DOCK7: variants seen among roughly 807,000 people sequenced by gnomAD.
DOCK7 encodes dedicator of cytokinesis 7, also known as dedicator of cytokinesis protein 7.
A neutral mutation model predicts 271.0 loss-of-function variants in DOCK7; 138 were observed. That is an observed-to-expected ratio of 0.51 (90% CI 0.44 to 0.59). The LOEUF is 0.59. DOCK7 is among the 20% of genes least tolerant of loss of function. The pLI, the probability that DOCK7 is intolerant of heterozygous loss-of-function variation, is 0.00. For missense variants in DOCK7, 2,066 were observed against 2,592.4 expected (o/e 0.80, Z 4.41); for synonymous variants, 823 against 876.1 (o/e 0.94, Z 1.07).
chr1:62,545,928 C>T (rs1438438630), intron 22 of DOCK7, among the ~76,000 whole-genome samples: 4 of 152,144 alleles, frequency 2.6e-5, no homozygotes, highest in South Asian at 2.1e-4. Flanking sequence ...TCTATAAATT[C>T]GATTCAGTAA....
chr1:62,565,826 TCTC>T (rs1358902709), intron 18 of DOCK7, among the ~76,000 whole-genome samples: 1 of 152,090 alleles, frequency 6.6e-6, no homozygotes, highest in Non-Finnish European at 1.5e-5. Context: ...CAGCCCAAAA[TCTC>T]CTTAAGCTGA....
chr1:62,656,662 G>C (rs1305658017), intron 2 of DOCK7, among the ~76,000 whole-genome samples: 5 of 152,076 alleles, frequency 3.3e-5, no homozygotes, highest in African/African-American at 1.2e-4. Context: ...AAAAAGGCTG[G>C]CCGGCAGGGA....
chr1:62,529,608 AT>A (rs1272402360), intron 29 of DOCK7, among the ~76,000 whole-genome samples, 162 bp from the exon 30 acceptor site: 1 of 152,208 alleles, frequency 6.6e-6, no homozygotes, highest in East Asian at 1.9e-4. Context: ...AACATTTCTC[AT>A]TTTAAAATAA....
chr1:62,469,208 G>C (rs1398870913), intron 48 of DOCK7, among the ~76,000 whole-genome samples: 2 of 152,114 alleles, frequency 1.3e-5, no homozygotes, highest in African/African-American at 4.8e-5. Context: ...GCATGATACT[G>C]GTATAAAAAT....
intron 4 of DOCK7, among the ~76,000 whole-genome samples, chr1:62,651,872 T>A (rs757348951): frequency 1.3e-5 from 2 of 152,166 alleles, no homozygotes; most frequent in Non-Finnish European, 2.9e-5. Context: ...CTTAATTTTT[T>A]AATTTGTATC....
chr1:62,464,249 T>C (rs1020098292), intron 48 of DOCK7, among the ~76,000 whole-genome samples: 2 of 151,738 alleles, frequency 1.3e-5, no homozygotes, highest in African/African-American at 2.4e-5. Flanking sequence ...TTAGTAGAGA[T>C]GGGGTTTTGC....
chr1:62,648,553 GA>G lies in DOCK7; in HGVS notation c.390-10del. 3 of 1,247,104 alleles carry G rather than the reference GA, an allele frequency of 2.4e-6. No homozygotes were observed. Among genetic ancestry groups the G allele is most frequent in the South Asian group, 2.1e-5 (1 of 48,654 alleles). The allele number at this position is 1,247,104 out of a possible 1,614,324, so 77.3% of individuals were successfully genotyped here. On this transcript the variant is annotated splice_polypyrimidine_tract_variant and intron_variant, in intron 4 of 49. Transcript: ENST00000635253. ...TTCCCAATTTATGATATCTATTAAA[GA>G]AAAAAAGTTAAATAAATATCAACTA...
intron 7 of DOCK7, among the ~76,000 whole-genome samples, chr1:62,644,301 T>G (rs1048360304): frequency 5.9e-5 from 9 of 152,224 alleles, no homozygotes; most frequent in Non-Finnish European, 1.3e-4. Context: ...TCTCAAGAGC[T>G]TTCTCTTTTT....
In DOCK7 at chr1:62,557,008, T is replaced by G. The variant is rs565625556; in HGVS notation, c.2432-1019A>C. ...TTCCTCCTTAGCAAATCTTGCCTTC[T>G]ACCTCACAGAAGAAATGTATAAAGC... On this transcript the variant is annotated intron_variant, in intron 20 of 49. Transcript: ENST00000635253. Among the ~76,000 whole-genome samples, 334 of 152,114 alleles carry G rather than the reference T, an allele frequency of 2.2e-3. 2 individuals are homozygous for G. Among genetic ancestry groups the G allele is most frequent in the African/African-American group, 7.7e-3 (319 of 41,536 alleles).
chr1:62,529,331 G>C lies in DOCK7; in HGVS notation c.3727C>G (p.Leu1243Val), dbSNP rs1327115748. 1 of 1,613,328 alleles carries C rather than the reference G, an allele frequency of 6.2e-7. No homozygotes were observed. Among genetic ancestry groups the C allele is most frequent in the Non-Finnish European group, 8.5e-7 (1 of 1,179,852 alleles). The change falls in exon 30 of 50, where the codon CTA becomes GTA. Residue 1243 changes from leucine to valine, a missense_variant. By Grantham distance (32) the Leu-to-Val change is conservative. Transcript: ENST00000635253. ...QIKARVAMLY[L>V]PLIGIIMETV... ...TCCATGATAATACCAATCAGAGGTA[G>C]ATACAACATGGCCACTCGAGCCTTT...
chr1:62,455,181 C>G lies in DOCK7; in HGVS notation c.*233G>C, dbSNP rs1261491961. The G allele has an allele frequency of 1.6e-6, 1 of 637,848 alleles. No homozygotes were observed. Among genetic ancestry groups the G allele is most frequent in the East Asian group, 2.7e-5 (1 of 36,844 alleles). 39.5% of individuals were successfully genotyped at this position (637,848 alleles called of 1,614,324 possible). A position where few individuals can be genotyped will look rare whatever the true frequency, so the allele number is the denominator to read the frequency against. On this transcript the variant is annotated 3_prime_UTR_variant, in exon 50 of 50. Coordinates refer to ENST00000635253, the MANE Select transcript of DOCK7 (RefSeq NM_001367561.1). Reference sequence around the variant, plus strand: ...TAAATAATGGTAAATGTATAGTGTACCTTTGAGTCATTAAAATGTCTTAAA... The same window carrying G: ...TAAATAATGGTAAATGTATAGTGTAGCTTTGAGTCATTAAAATGTCTTAAA...
chr1:62,593,375 G>T (rs1414175143), intron 14 of DOCK7, among the ~76,000 whole-genome samples: 1 of 152,110 alleles, frequency 6.6e-6, no homozygotes, highest in Non-Finnish European at 1.5e-5. Context: ...TTCGAGACCA[G>T]TCTGGCCAAC....
intron 14 of DOCK7, chr1:62,598,861 C>T: frequency 9.6e-7 from 1 of 1,045,690 alleles, no homozygotes; most frequent in South Asian, 1.3e-5. Flanking sequence ...TGTAAAAACA[C>T]TGAATCCTAA....
intron 7 of DOCK7, among the ~76,000 whole-genome samples, chr1:62,646,529 A>T (rs540869567): frequency 2.0e-5 from 3 of 152,256 alleles, no homozygotes; most frequent in African/African-American, 7.2e-5. Flanking sequence ...GTATCCTTAT[A>T]AGAAGAGGAA....
At chr1:62,581,552 A>G (rs1647122449) in intron 16 of DOCK7, among the ~76,000 whole-genome samples, 2 of 152,210 alleles carry the variant, frequency 1.3e-5, no homozygotes, top group South Asian at 4.1e-4. Context: ...TCTGTACTTC[A>G]GAAGGAAGGT....
rs1341873797 is a variant in DOCK7, at chr1:62,578,910, T to C, written c.1928A>G (p.His643Arg). The C allele has an allele frequency of 1.9e-6, 3 of 1,608,320 alleles. No homozygotes were observed. Among genetic ancestry groups the C allele is most frequent in the Non-Finnish European group, 2.5e-6 (3 of 1,178,108 alleles). ...ATAAAAAGTAAAAAGCAAGTGATGA[T>C]GGTCAGTTAAAGTAGCAGGAAGCTT... ...KVKLPATLTD[H>R]HHLLFTFYHV... The change falls in exon 17 of 50, where the codon CAT becomes CGT. Residue 643 changes from histidine (H) to arginine (R), a missense_variant. His to Arg is a conservative substitution (Grantham distance 29). This residue lies in a region of DOCK7 where 1,414 missense variants were observed against 1,670.4 expected (regional missense o/e 0.85). Transcript: ENST00000635253.
intron 44 of DOCK7, among the ~76,000 whole-genome samples, chr1:62,477,295 C>G (rs1557598882): frequency 6.6e-6 from 1 of 152,110 alleles, no homozygotes; most frequent in Admixed American, 6.5e-5. Flanking sequence ...AGATACCTCA[C>G]CTGGAACCAG....
chr1:62,631,284 C>T lies in DOCK7; in HGVS notation c.1238G>A (p.Gly413Glu), dbSNP rs1272587954. ...TTCTGTAGAATCTCTTTCCAAACTC[C>T]CAGCACTGCTAACAATATTCATTAA... ...IHLMNIVSSA[G>E]SLERDSTEVE... is the part of the protein sequence containing the mutation. Residue 413 changes from glycine to glutamate, a missense_variant, in exon 11 of 50, where the codon GGG (glycine) becomes GAG (glutamate). Gly to Glu is a moderately conservative substitution (Grantham distance 98). Coordinates refer to ENST00000635253, the MANE Select transcript of DOCK7 (RefSeq NM_001367561.1). 6.2e-7 allele frequency: 1 copy of T among 1,612,760 alleles called. No homozygotes were observed. The highest frequency in any genetic ancestry group is 1.3e-5 in the African/African-American group (1 of 74,770).
At chr1:62,647,569 T>G (rs1245136873) in intron 7 of DOCK7, 122 bp downstream of exon 7, 2 of 689,446 alleles carry the variant, frequency 2.9e-6, no homozygotes, top group Admixed American at 2.8e-5. Flanking sequence ...AAATGACATG[T>G]AGAACAATAC....
Sources: allele counts gnomAD v4.1 joint callset (sites outside exome capture counted in the v4.1 genomes callset), GRCh38; gene constraint gnomAD v4.1.1; regional missense constraint gnomAD v4.1.1; transcripts MANE v1.5; gene names NCBI Gene and HGNC (gene_info 2026-07-23, HGNC 2026-07-21).